OR2L13: variants seen among roughly 807,000 people sequenced by gnomAD.
OR2L13 encodes the protein olfactory receptor family 2 subfamily L member 13, also known as olfactory receptor 2L13.
A neutral mutation model predicts 15.3 loss-of-function variants in OR2L13; 14 were observed. The observed-to-expected ratio is 0.91, with a 90% CI of 0.60 to 1.43. The LOEUF is 1.43. Ranked by LOEUF, OR2L13 falls within the 40% of genes most tolerant of loss-of-function variation. The pLI is 0.00. For synonymous variants in OR2L13, 152 were observed against 142.9 expected (o/e 1.06, Z -0.45); for missense variants, 367 against 387.9 (o/e 0.95, Z 0.45).
chr1:247,943,631 G>T, the OR2L13 span, among the ~76,000 whole-genome samples: 1 of 152,036 alleles, frequency 6.6e-6, no homozygotes, highest in Non-Finnish European at 1.5e-5. Context: ...GACATATGAT[G>T]GTTTGACTTG....
chr1:248,059,771 G>A, the OR2L13 span, among the ~76,000 whole-genome samples: 2,156 of 152,170 alleles, frequency 0.014, 62 homozygotes, highest in African/African-American at 0.048. Flanking sequence ...TGGGTTGGGT[G>A]GGGAAGCTCA....
At chr1:248,058,429 T>A in the OR2L13 span, among the ~76,000 whole-genome samples, 1 of 152,304 alleles carries the variant, frequency 6.6e-6, no homozygotes, top group African/African-American at 2.4e-5. Flanking sequence ...ACAGCAGAAC[T>A]GCATTACACC....
At chr1:247,985,903 G>A in the OR2L13 span, among the ~76,000 whole-genome samples, 118 of 152,302 alleles carry the variant, frequency 7.7e-4, no homozygotes, top group African/African-American at 2.7e-3. Flanking sequence ...CAGCATAAAT[G>A]TCTTCTTTTG....
At chr1:248,068,465 C>T in the OR2L13 span, among the ~76,000 whole-genome samples, 19 of 152,282 alleles carry the variant, frequency 1.2e-4, no homozygotes, top group African/African-American at 4.6e-4. Context: ...AACTAACAAA[C>T]AGAAAGGACA....
At chr1:248,043,617 A>C in the OR2L13 span, among the ~76,000 whole-genome samples, 3 of 152,282 alleles carry the variant, frequency 2.0e-5, no homozygotes, top group African/African-American at 7.2e-5. Context: ...TGTGAAACTT[A>C]CTGGAAAGGG....
the OR2L13 span, among the ~76,000 whole-genome samples, chr1:247,999,101 A>T: frequency 1.3e-5 from 2 of 152,168 alleles, no homozygotes; most frequent in East Asian, 3.8e-4. Flanking sequence ...TCTCACAGAC[A>T]GCTCCTGGTA....
the OR2L13 span, among the ~76,000 whole-genome samples, chr1:248,014,156 G>A: frequency 3.9e-5 from 6 of 152,120 alleles, no homozygotes; most frequent in South Asian, 1.2e-3. Context: ...ATTATATGAT[G>A]CTTATAATAA....
At chr1:247,996,339 C>G in the OR2L13 span, among the ~76,000 whole-genome samples, 13 of 152,178 alleles carry the variant, frequency 8.5e-5, no homozygotes, top group Non-Finnish European at 7.4e-5. Flanking sequence ...AATGGGACTT[C>G]TTTTCCAAAT....
the OR2L13 span, chr1:247,939,654 A>C: frequency 6.6e-6 from 1 of 152,174 alleles, no homozygotes; most frequent in Admixed American, 6.5e-5. Flanking sequence ...TATTCCCTCT[A>C]TTTCCACATT....
At chr1:248,053,065 G>T in the OR2L13 span, among the ~76,000 whole-genome samples, 1 of 151,920 alleles carries the variant, frequency 6.6e-6, no homozygotes, top group Non-Finnish European at 1.5e-5. Flanking sequence ...TAGGTATTAA[G>T]CCCAGCATGC....
the OR2L13 span, among the ~76,000 whole-genome samples, chr1:248,073,788 T>C: frequency 6.6e-6 from 1 of 151,924 alleles, no homozygotes; most frequent in Non-Finnish European, 1.5e-5. Context: ...AATATGTAGA[T>C]AAATAACATG....
chr1:248,068,550 G>T, the OR2L13 span, among the ~76,000 whole-genome samples: 1 of 152,146 alleles, frequency 6.6e-6, no homozygotes, highest in Non-Finnish European at 1.5e-5. Flanking sequence ...AGAAAAACTG[G>T]AAACTCTAAA....
chr1:247,965,557 T>C, the OR2L13 span: 1 of 1,608,376 alleles, frequency 6.2e-7, no homozygotes, highest in South Asian at 1.1e-5. Context: ...TCCAATGTAC[T>C]TTCTGCTCAG....
At chr1:247,945,788 G>A in the OR2L13 span, among the ~76,000 whole-genome samples, 2 of 152,220 alleles carry the variant, frequency 1.3e-5, no homozygotes, top group Middle Eastern at 6.8e-3. Context: ...TTGGTTTGAA[G>A]TCTATTTCGT....
At chr1:248,061,341 T>C in the OR2L13 span, 70 of 1,613,812 alleles carry the variant, frequency 4.3e-5, 1 homozygote, top group East Asian at 1.1e-3. Context: ...ATGGCCGGGT[T>C]CTCCTTGCTG....
chr1:247,966,273 G>A, the OR2L13 span: 1 of 1,613,682 alleles, frequency 6.2e-7, no homozygotes, highest in East Asian at 2.2e-5. Flanking sequence ...AAGTGACGGG[G>A]GCAGTGAGGA....
At chr1:248,097,383 C>T (rs912898688) in intron 1 of OR2L13, 3 of 152,200 alleles carry the variant, frequency 2.0e-5, no homozygotes, top group Non-Finnish European at 4.4e-5. Flanking sequence ...TCATGTAATT[C>T]TGGTGCATGA....
the OR2L13 span, among the ~76,000 whole-genome samples, chr1:247,986,127 G>C: frequency 7.8e-4 from 119 of 152,218 alleles, 7 homozygotes; most frequent in East Asian, 0.016. Context: ...GATCCCATTT[G>C]TCAATTTTGG....
chr1:247,959,725 T>C, the OR2L13 span, among the ~76,000 whole-genome samples: 1 of 152,258 alleles, frequency 6.6e-6, no homozygotes, highest in East Asian at 1.9e-4. Flanking sequence ...TTTCTTCCAG[T>C]TGATTGAAGT....
Sources: gnomAD v4.1 joint callset for allele counts (sites outside exome capture counted in the v4.1 genomes callset) on GRCh38, gnomAD v4.1.1 for gene constraint, MANE v1.5 for transcripts, NCBI Gene and HGNC (gene_info 2026-07-23, HGNC 2026-07-21) for gene names.